NRXN1: variants seen among roughly 807,000 people sequenced by gnomAD.
The protein encoded by NRXN1 is neurexin-1.
In NRXN1, 39 loss-of-function variants were observed where a neutral mutation model predicts 150.9. The ratio of observed to expected loss-of-function variants is 0.26; its 90% confidence interval spans 0.20 to 0.34. The LOEUF (loss-of-function observed/expected upper bound fraction) is 0.34. NRXN1 is among the 10% of genes least tolerant of loss of function. The pLI is 1.00. For synonymous variants in NRXN1, 924 were observed against 757.0 expected, an observed-to-expected ratio of 1.22 and a Z score of -3.62; for missense variants, 1,815 against 1,949.9, an observed-to-expected ratio of 0.93 and a Z score of 1.30.
chr2:49,932,564 C>A (rs1190233112), intron 22 of NRXN1, among the ~76,000 whole-genome samples: 1 of 151,906 alleles, frequency 6.6e-6, no homozygotes, highest in Non-Finnish European at 1.5e-5. Flanking sequence ...TAAATAGTTC[C>A]AGGAAACCTT....
intron 5 of NRXN1, among the ~76,000 whole-genome samples, chr2:50,860,612 A>G (rs1477540408): frequency 6.6e-6 from 1 of 152,108 alleles, no homozygotes; most frequent in Non-Finnish European, 1.5e-5. Flanking sequence ...TAGTTTGCAG[A>G]GGCAAGGCTG....
intron 17 of NRXN1, among the ~76,000 whole-genome samples, chr2:50,266,851 T>G (rs2068958084): frequency 6.6e-6 from 1 of 152,148 alleles, no homozygotes; most frequent in Non-Finnish European, 1.5e-5. Context: ...GGAGCATAAC[T>G]CCATTCACCT....
intron 18 of NRXN1, among the ~76,000 whole-genome samples, chr2:50,091,865 C>T (rs1699629414): frequency 6.6e-6 from 1 of 152,188 alleles, no homozygotes; most frequent in East Asian, 1.9e-4. Flanking sequence ...CAAATTCTTA[C>T]TTTTAATAAC....
chr2:50,942,635 G>T (rs1261786485), intron 2 of NRXN1, among the ~76,000 whole-genome samples: 3 of 152,182 alleles, frequency 2.0e-5, no homozygotes, highest in Non-Finnish European at 4.4e-5. Context: ...TTTTCATGGG[G>T]CCTGTAGCCC....
intron 8 of NRXN1, among the ~76,000 whole-genome samples, chr2:50,589,926 A>G (rs2103787097): frequency 6.6e-6 from 1 of 152,326 alleles, no homozygotes; most frequent in Non-Finnish European, 1.5e-5. Flanking sequence ...GTCAGAAACC[A>G]TTAGGTTTTA....
intron 5 of NRXN1, among the ~76,000 whole-genome samples, chr2:50,760,395 C>G (rs1376323652): frequency 4.0e-5 from 6 of 151,812 alleles, no homozygotes; most frequent in Non-Finnish European, 8.8e-5. Context: ...TCTAGGTTCC[C>G]TTAGCCTTAC....
chr2:50,157,601 G>A (rs1292144782), intron 18 of NRXN1, among the ~76,000 whole-genome samples: 1 of 151,852 alleles, frequency 6.6e-6, no homozygotes, highest in Non-Finnish European at 1.5e-5. Flanking sequence ...TTTGTTTCAA[G>A]GTACGAACAT....
intron 2 of NRXN1, among the ~76,000 whole-genome samples, chr2:51,022,064 A>T (rs1669697761): frequency 6.6e-6 from 1 of 152,070 alleles, no homozygotes; most frequent in Admixed American, 6.6e-5. Context: ...TTAGGCAGGT[A>T]ATGGATCATT....
At chr2:50,763,961 A>G (rs758524652) in intron 5 of NRXN1, among the ~76,000 whole-genome samples, 2 of 151,374 alleles carry the variant, frequency 1.3e-5, no homozygotes, top group Non-Finnish European at 2.9e-5. Flanking sequence ...GACATGTGAC[A>G]CATCCTGGGA....
chr2:50,262,026 G>T (rs1027120238), intron 17 of NRXN1, among the ~76,000 whole-genome samples: 1 of 151,844 alleles, frequency 6.6e-6, no homozygotes, highest in Admixed American at 6.6e-5. Context: ...ACCAAAGCCG[G>T]CGTTAACCTT....
At chr2:50,637,249 G>A (rs186907569) in intron 5 of NRXN1, among the ~76,000 whole-genome samples, 7 of 151,998 alleles carry the variant, frequency 4.6e-5, no homozygotes, top group Admixed American at 1.3e-4. Context: ...ATAACTTCCC[G>A]TTACCCCATC....
At chr2:50,558,123 A>G (rs374619270) in intron 8 of NRXN1, among the ~76,000 whole-genome samples, 2 of 152,308 alleles carry the variant, frequency 1.3e-5, no homozygotes, top group South Asian at 2.1e-4. Flanking sequence ...GCCCTCTTAT[A>G]AGAGTTTTAT....
intron 16 of NRXN1, among the ~76,000 whole-genome samples, chr2:50,470,147 T>C (rs1482347041): frequency 6.6e-6 from 1 of 151,686 alleles, no homozygotes; most frequent in Non-Finnish European, 1.5e-5. Context: ...TTTTAACAAA[T>C]ATGTTCCATA....
intron 5 of NRXN1, among the ~76,000 whole-genome samples, chr2:50,742,619 A>G (rs538050103): frequency 3.3e-5 from 5 of 151,776 alleles, no homozygotes; most frequent in African/African-American, 1.2e-4. Flanking sequence ...AAAAAAAAAA[A>G]AAAAGAAAAA....
intron 12 of NRXN1, among the ~76,000 whole-genome samples, chr2:50,516,987 T>G (rs556407263): frequency 6.6e-6 from 1 of 152,208 alleles, no homozygotes; most frequent in Non-Finnish European, 1.5e-5. Flanking sequence ...GCTGACCAAC[T>G]ATATTGCATT....
chr2:50,585,303 T>C (rs1269731580), intron 8 of NRXN1, among the ~76,000 whole-genome samples: 2 of 152,120 alleles, frequency 1.3e-5, no homozygotes, highest in Admixed American at 6.5e-5. Flanking sequence ...ATTCCACCTA[T>C]ATGCAGTATC....
intron 5 of NRXN1, chr2:50,633,136 A>G (rs1682636343): frequency 6.6e-6 from 1 of 152,120 alleles, no homozygotes; most frequent in Middle Eastern, 3.2e-3. Context: ...TTGTTCATAC[A>G]CTGCTGCAAC....
At chr2:49,939,513 C>T (rs1013286438) in intron 22 of NRXN1, among the ~76,000 whole-genome samples, 14 of 152,196 alleles carry the variant, frequency 9.2e-5, no homozygotes, top group African/African-American at 3.4e-4. Context: ...CCAATGCTAA[C>T]TGTGCAGGAC....
intron 18 of NRXN1, among the ~76,000 whole-genome samples, chr2:50,153,011 C>T (rs565130471): frequency 2.0e-5 from 3 of 151,536 alleles, no homozygotes; most frequent in South Asian, 2.1e-4. Context: ...TACTTTTCTC[C>T]AATCATTTTT....
Sources: allele counts gnomAD v4.1 joint callset (sites outside exome capture counted in the v4.1 genomes callset), GRCh38; gene constraint gnomAD v4.1.1; transcripts MANE v1.5; gene names NCBI Gene and HGNC (gene_info 2026-07-23, HGNC 2026-07-21).